The following RORA variants were observed in gnomAD, a reference collection of about 807,000 sequenced individuals.
RORA encodes RAR related orphan receptor A.
In RORA, 7 loss-of-function variants were observed where a neutral mutation model predicts 69.5. The ratio of observed to expected loss-of-function variants is 0.10; its 90% CI spans 0.06 to 0.19. RORA has a LOEUF of 0.19. Among genes scored for constraint, RORA ranks in the 10% least tolerant of loss-of-function variants. The pLI, the probability that RORA is intolerant of heterozygous loss-of-function variation, is 1.00. For synonymous variants in RORA, 261 were observed against 240.8 expected (o/e 1.08, Z -0.78); for missense variants, 457 against 663.0 (o/e 0.69, Z 3.41).
intron 1 of RORA, among the ~76,000 whole-genome samples, chr15:60,728,449 G>T (rs1368886581): frequency 6.6e-6 from 1 of 152,108 alleles, no homozygotes; most frequent in African/African-American, 2.4e-5. Context: ...CAGTTGAATA[G>T]CAAGTTACAG....
At position 61,213,795 on chromosome 15, in the gene RORA, C is replaced by T. The variant is rs1320537982; in HGVS notation, c.166+15258G>A. 1.3e-5 allele frequency: 2 copies of T among 152,132 alleles called. No homozygotes were observed. The highest frequency in any genetic ancestry group is 2.4e-5 in the African/African-American group (1 of 41,426). 9.4% of individuals were successfully genotyped at this position (152,132 alleles called of 1,614,324 possible). A position where few individuals can be genotyped will look rare whatever the true frequency, so the allele number is the denominator to read the frequency against. ...TTCACTTAATTCAGCTTTGTCGTTCCATTGACTAACATGGGACCTGACACA... is the reference window on the plus strand; with the variant it reads ...TTCACTTAATTCAGCTTTGTCGTTCTATTGACTAACATGGGACCTGACACA... On this transcript the variant is annotated intron_variant, in intron 1 of 10. Coordinates refer to ENST00000335670, the MANE Select transcript of RORA (RefSeq NM_134261.3). This position sits in a 1 kb window ranked among gnomAD's most constrained non-coding sequence, Gnocchi z 4.1.
chr15:60,708,413 G>A (rs930656820), intron 1 of RORA, among the ~76,000 whole-genome samples: 3 of 139,868 alleles, frequency 2.1e-5, no homozygotes, highest in African/African-American at 5.4e-5. Context: ...CAGAGACTCC[G>A]TCTCAAAAAA....
At chr15:60,648,803 T>A (rs1226999802) in intron 2 of RORA, among the ~76,000 whole-genome samples, 1 of 152,168 alleles carries the variant, frequency 6.6e-6, no homozygotes, top group African/African-American at 2.4e-5. Context: ...CCATCCACTC[T>A]TTTTGAGGGG....
chr15:61,121,661 G>A (rs1420520852), intron 1 of RORA, among the ~76,000 whole-genome samples: 1 of 152,054 alleles, frequency 6.6e-6, no homozygotes, highest in Non-Finnish European at 1.5e-5. Context: ...GGAGCTGCCT[G>A]CAATCCAGAC....
At chr15:60,832,682 G>A (rs1443211845) in intron 1 of RORA, among the ~76,000 whole-genome samples, 2 of 152,100 alleles carry the variant, frequency 1.3e-5, no homozygotes, top group Admixed American at 6.5e-5. Context: ...GAGGTGGGGT[G>A]GAGAGTCGAT....
intron 1 of RORA, among the ~76,000 whole-genome samples, chr15:61,141,873 A>G (rs2079302476): frequency 6.7e-6 from 1 of 148,802 alleles, no homozygotes; most frequent in African/African-American, 2.5e-5. Flanking sequence ...ACACCTCATT[A>G]GCAAAGAGCT....
rs186391580 is a variant in RORA at position 60,740,808 on chromosome 15, A to C, written c.167-62122T>G. 2.4e-4 allele frequency among the ~76,000 whole-genome samples: 36 copies of C among 152,184 alleles called. No individual in the cohort carries two copies. The East Asian group carries it at 4.4e-3, about 19-fold the overall frequency. ...TTCATAGAGCCTCTCTCTCTCTCTC[A>C]CAGCTTTGGTGGTTTTATGACCATA... is the stretch of plus-strand genomic sequence containing the variant. On this transcript the variant is annotated intron_variant, in intron 1 of 10. Transcript: ENST00000335670.
intron 1 of RORA, among the ~76,000 whole-genome samples, chr15:61,139,082 T>C (rs2079272794): frequency 6.6e-6 from 1 of 151,742 alleles, no homozygotes. Context: ...AGGCGGAGCT[T>C]GCAGTGAGCC....
intron 1 of RORA, among the ~76,000 whole-genome samples, chr15:61,188,606 G>C (rs1447545482): frequency 1.3e-5 from 2 of 151,086 alleles, no homozygotes; most frequent in African/African-American, 4.9e-5. Flanking sequence ...CATTGTCTGA[G>C]TAACAACTAG....
chr15:60,720,650 G>T lies in RORA; in HGVS notation c.167-41964C>A, dbSNP rs957094509. ...GCTGCACTTGACAAGAAACAAAGTT[G>T]CCGGCAGCACAGGACAAGGCCTCCT... On this transcript the variant is annotated intron_variant, in intron 1 of 10. Coordinates refer to ENST00000335670, the MANE Select transcript of RORA (RefSeq NM_134261.3). Among the ~76,000 whole-genome samples the T allele has an allele frequency of 3.9e-5, 6 of 152,314 alleles. No homozygotes were observed. The East Asian group carries it at 9.7e-4, about 25-fold the overall frequency.
At chr15:60,733,517 T>C (rs529205999) in intron 1 of RORA, among the ~76,000 whole-genome samples, 19 of 152,144 alleles carry the variant, frequency 1.2e-4, no homozygotes, top group Non-Finnish European at 2.6e-4. Flanking sequence ...TTAATTAAAA[T>C]GCAAATATTA....
intron 1 of RORA, among the ~76,000 whole-genome samples, chr15:60,929,992 A>T (rs1337601322): frequency 6.6e-6 from 1 of 152,164 alleles, no homozygotes; most frequent in Non-Finnish European, 1.5e-5. Flanking sequence ...TTCTGCAATG[A>T]TGGAAATGCT....
At chr15:60,736,043 G>C (rs558619819) in intron 1 of RORA, among the ~76,000 whole-genome samples, 3 of 152,132 alleles carry the variant, frequency 2.0e-5, no homozygotes, top group Non-Finnish European at 4.4e-5. Context: ...ACTTTAAGGC[G>C]TCATCTAGGG....
intron 1 of RORA, among the ~76,000 whole-genome samples, chr15:61,125,099 AAAAT>A (rs1416971976): frequency 6.6e-6 from 1 of 152,242 alleles, no homozygotes; most frequent in Non-Finnish European, 1.5e-5. Flanking sequence ...GGTGGTGATG[AAAAT>A]AAATTGCCTA....
chr15:60,768,874 A>G (rs373217009), intron 1 of RORA, among the ~76,000 whole-genome samples: 9 of 152,250 alleles, frequency 5.9e-5, no homozygotes, highest in African/African-American at 2.2e-4. Context: ...GAAAGGATGC[A>G]GAGTAGAGGC....
chr15:60,944,694 C>CA (rs58523588), intron 1 of RORA, among the ~76,000 whole-genome samples: 2,918 of 96,326 alleles, frequency 0.03, 101 homozygotes, highest in African/African-American at 0.094. Flanking sequence ...CACTGTACTC[C>CA]AAAAAAAAAA....
At chr15:60,521,130 A>C (rs566357186) in intron 3 of RORA, among the ~76,000 whole-genome samples, 77 of 152,338 alleles carry the variant, frequency 5.1e-4, no homozygotes, top group African/African-American at 1.8e-3. Flanking sequence ...CCTTAGATAT[A>C]TCAAACCAGA....
At chr15:60,571,798 G>T (rs565224377) in intron 2 of RORA, among the ~76,000 whole-genome samples, 94 of 152,234 alleles carry the variant, frequency 6.2e-4, no homozygotes, top group Non-Finnish European at 1.2e-3. Context: ...CACCTTCTAC[G>T]ATGAAAATTT....
chr15:60,868,474 A>C (rs900768801), intron 1 of RORA, among the ~76,000 whole-genome samples: 4 of 152,318 alleles, frequency 2.6e-5, no homozygotes, highest in Admixed American at 2.6e-4. Flanking sequence ...TATTAGCTTA[A>C]GTACACTTCC....
Sources: allele counts gnomAD v4.1 joint callset (sites outside exome capture counted in the v4.1 genomes callset), GRCh38; gene constraint gnomAD v4.1.1; non-coding constraint Gnocchi (gnomAD v3.1); transcripts MANE v1.5; gene names NCBI Gene and HGNC (gene_info 2026-07-23, HGNC 2026-07-21).